Variants in EPB41L5 observed in about 807,000 individuals in gnomAD.
EPB41L5 encodes erythrocyte membrane protein band 4.1 like 5.
Under a neutral mutation model 106.6 loss-of-function variants are expected in EPB41L5, and 55 were observed. That is an observed-to-expected ratio of 0.52 (90% CI 0.42 to 0.65). EPB41L5 has a LOEUF of 0.65. Among genes scored for constraint, EPB41L5 ranks in the 30% least tolerant of loss-of-function variants. EPB41L5 has a pLI of 0.00. For synonymous variants in EPB41L5, 297 were observed against 306.7 expected (o/e 0.97, Z 0.33); for missense variants, 871 against 882.1 (o/e 0.99, Z 0.16).
chr2:120,084,221 G>A (rs376855396), intron 10 of EPB41L5, among the ~76,000 whole-genome samples: 5 of 152,114 alleles, frequency 3.3e-5, no homozygotes, highest in East Asian at 1.9e-4. Context: ...TCCTAGCATC[G>A]ATGGTCTTTA....
intron 11 of EPB41L5, among the ~76,000 whole-genome samples, chr2:120,087,791 C>A (rs907320711): frequency 1.3e-5 from 2 of 150,290 alleles, no homozygotes; most frequent in Non-Finnish European, 2.9e-5. Flanking sequence ...GGCAGACCAA[C>A]TTTATCTCTT....
intron 16 of EPB41L5, among the ~76,000 whole-genome samples, chr2:120,115,796 T>C (rs1026901658): frequency 1.3e-5 from 2 of 152,040 alleles, no homozygotes; most frequent in African/African-American, 2.4e-5. Context: ...TGTTGTGTTA[T>C]GTTACGTTAC....
chr2:120,146,406 C>G, intron 20 of EPB41L5, 117 bp downstream of exon 20: 1 of 706,258 alleles, frequency 1.4e-6, no homozygotes, highest in Non-Finnish European at 2.4e-6. Flanking sequence ...AGCTTGAATT[C>G]ACTCTATTGT....
intron 2 of EPB41L5, 129 bp downstream of exon 2, chr2:120,019,393 C>A: frequency 1.3e-6 from 1 of 747,274 alleles, no homozygotes; most frequent in Non-Finnish European, 2.0e-6. Flanking sequence ...ATAGATCAGG[C>A]ACTGTAACAT....
At chr2:120,128,674 A>G (rs1351098893) in intron 17 of EPB41L5, among the ~76,000 whole-genome samples, 6 of 152,168 alleles carry the variant, frequency 3.9e-5, no homozygotes, top group African/African-American at 1.4e-4. Flanking sequence ...ATTTCCTAAG[A>G]AATAACTACA....
intron 16 of EPB41L5, among the ~76,000 whole-genome samples, chr2:120,114,833 A>G (rs1005050636): frequency 2.6e-5 from 4 of 152,168 alleles, no homozygotes; most frequent in African/African-American, 9.7e-5. Flanking sequence ...TCTTCTGTTT[A>G]TTTATTGATC....
chr2:120,024,945 G>A (rs1233843220), intron 2 of EPB41L5, among the ~76,000 whole-genome samples: 1 of 152,130 alleles, frequency 6.6e-6, no homozygotes, highest in Non-Finnish European at 1.5e-5. Context: ...TGTTCATCAG[G>A]GATATTAGCC....
intron 3 of EPB41L5, among the ~76,000 whole-genome samples, chr2:120,050,820 A>G (rs6714038): frequency 0.69 from 104,785 of 152,044 alleles, 37,632 homozygotes; most frequent in Non-Finnish European, 0.79. Context: ...TGATGGTGAC[A>G]TACAGATGGG....
chr2:120,093,715 G>A (rs1474385656), intron 14 of EPB41L5, among the ~76,000 whole-genome samples: 1 of 152,096 alleles, frequency 6.6e-6, no homozygotes, highest in East Asian at 1.9e-4. Context: ...GGATTTGTGT[G>A]TCTATTCATC....
intron 10 of EPB41L5, among the ~76,000 whole-genome samples, chr2:120,085,705 T>A (rs1683009466): frequency 6.6e-6 from 1 of 152,222 alleles, no homozygotes; most frequent in African/African-American, 2.4e-5. Flanking sequence ...TGAACACCTT[T>A]ACGGTTGTCC....
At chr2:120,104,780 AAC>A (rs1428199534) in intron 16 of EPB41L5, 10 of 905,496 alleles carry the variant, frequency 1.1e-5, no homozygotes, top group African/African-American at 3.6e-5. Context: ...TTTAATTACA[AAC>A]ACTTTTACTT....
intron 3 of EPB41L5, among the ~76,000 whole-genome samples, chr2:120,063,711 CGA>C (rs1681243919): frequency 6.6e-6 from 1 of 152,066 alleles, no homozygotes; most frequent in Admixed American, 6.5e-5. Context: ...TTTGTGAGGC[CGA>C]GAGGGGCGGA....
rs910733759 is a variant in EPB41L5, at chr2:120,176,630, C to A, written c.*1723C>A. On this transcript the variant is annotated 3_prime_UTR_variant, in exon 25 of 25. Coordinates refer to ENST00000263713, the MANE Select transcript of EPB41L5 (RefSeq NM_020909.4). Reference sequence around the variant, plus strand: ...CTGAGTTTCACTGGTGGGGCTCTTGCCAGTTCTTAATTATAGGACATATTT... The same window carrying A: ...CTGAGTTTCACTGGTGGGGCTCTTGACAGTTCTTAATTATAGGACATATTT... 40 of 152,188 alleles carry A rather than the reference C, an allele frequency of 2.6e-4. No homozygotes were observed. The highest frequency in any genetic ancestry group is 9.2e-4 in the African/African-American group (38 of 41,448). 9.4% of individuals were successfully genotyped at this position (152,188 alleles called of 1,614,324 possible).
intron 16 of EPB41L5, chr2:120,104,449 T>C (rs1684332310): frequency 7.6e-7 from 1 of 1,318,828 alleles, no homozygotes; most frequent in Non-Finnish European, 9.7e-7. Context: ...ATGACAAATG[T>C]TTGTGTTGAA....
intron 16 of EPB41L5, chr2:120,105,431 T>G (rs2105411515): frequency 1.0e-6 from 1 of 985,366 alleles, no homozygotes; most frequent in Admixed American, 6.1e-5. Context: ...GAGGTTGGTT[T>G]TATATCTCAA....
Position 120,146,219 on chromosome 2 carries a change from T to C in EPB41L5, c.1729-6T>C, listed in dbSNP as rs781371991. Reference sequence around the variant, plus strand: ...ATTTACTTTTTTTAATATTTCATTTTCTTAGGTTACAAAAGAAGATAGCTT... The same window carrying C: ...ATTTACTTTTTTTAATATTTCATTTCCTTAGGTTACAAAAGAAGATAGCTT... On this transcript the variant is annotated splice_region_variant and splice_polypyrimidine_tract_variant and intron_variant, in intron 19 of 24. Transcript: ENST00000263713. 1 of 1,565,216 alleles carries C rather than the reference T, an allele frequency of 6.4e-7. No homozygotes were observed. Among genetic ancestry groups the C allele is most frequent in the Non-Finnish European group, 8.8e-7 (1 of 1,138,208 alleles).
chr2:120,115,912 C>A (rs111395337), intron 16 of EPB41L5, among the ~76,000 whole-genome samples: 1 of 152,038 alleles, frequency 6.6e-6, no homozygotes, highest in African/African-American at 2.4e-5. Context: ...GAGGTTCAGG[C>A]GATTCTCATA....
intron 4 of EPB41L5, 37 bp from the exon 5 acceptor site, chr2:120,074,063 T>G: frequency 6.7e-7 from 1 of 1,488,820 alleles, no homozygotes; most frequent in Non-Finnish European, 9.2e-7. Context: ...TTTAAGTAGT[T>G]TATTTTATTA....
intron 16 of EPB41L5, chr2:120,104,878 T>G: frequency 1.0e-6 from 1 of 977,080 alleles, no homozygotes; most frequent in Non-Finnish European, 1.2e-6. Flanking sequence ...ATCTGAATGG[T>G]TAGTTTTGAA....
Sources: allele counts gnomAD v4.1 joint callset (sites outside exome capture counted in the v4.1 genomes callset), GRCh38; gene constraint gnomAD v4.1.1; transcripts MANE v1.5; gene names NCBI Gene and HGNC (gene_info 2026-07-23, HGNC 2026-07-21).